Variants in ABCA12 observed in about 807,000 individuals in gnomAD.
ABCA12 encodes the protein ATP binding cassette subfamily A member 12, also known as glucosylceramide transporter ABCA12.
A neutral mutation model predicts 293.5 loss-of-function variants in ABCA12; 156 were observed. The observed-to-expected ratio is 0.53, with a 90% CI of 0.47 to 0.61. The LOEUF is 0.61. Among genes scored for constraint, ABCA12 ranks in the 20% least tolerant of loss-of-function variants. The pLI is 0.00. For missense variants in ABCA12, 2,797 were observed against 3,090.2 expected (o/e 0.91, Z 2.25); for synonymous variants, 1,063 against 1,108.0 (o/e 0.96, Z 0.81).
intron 8 of ABCA12, among the ~76,000 whole-genome samples, chr2:215,033,995 T>TA (rs1210135078): frequency 6.6e-6 from 1 of 152,078 alleles, no homozygotes; most frequent in Admixed American, 6.5e-5. Flanking sequence ...TAGACACAGC[T>TA]AAAAAAATTG....
intron 24 of ABCA12, among the ~76,000 whole-genome samples, chr2:214,990,494 T>C (rs1342599771): frequency 6.6e-6 from 1 of 152,186 alleles, no homozygotes; most frequent in Non-Finnish European, 1.5e-5. Context: ...CTTAACAGTA[T>C]CACATATCAT....
chr2:215,039,581 C>T (rs966092339), intron 7 of ABCA12, among the ~76,000 whole-genome samples: 1 of 152,040 alleles, frequency 6.6e-6, no homozygotes, highest in Admixed American at 6.5e-5. Flanking sequence ...CAGTGAGACA[C>T]CGTCTCTACT....
chr2:215,051,545 T>G (rs1415670293), intron 5 of ABCA12, among the ~76,000 whole-genome samples: 1 of 151,572 alleles, frequency 6.6e-6, no homozygotes, highest in Non-Finnish European at 1.5e-5. Context: ...GTTAAAGACA[T>G]GTCTCATGAT....
At chr2:215,005,794 T>A (rs556503463) in intron 19 of ABCA12, among the ~76,000 whole-genome samples, 1 of 152,224 alleles carries the variant, frequency 6.6e-6, no homozygotes, top group South Asian at 2.1e-4. Context: ...TCAATACTAA[T>A]CCATGCATGT....
At chr2:215,049,895 T>A in intron 5 of ABCA12, 84 bp from the exon 6 acceptor site, 1 of 1,351,734 alleles carries the variant, frequency 7.4e-7, no homozygotes, top group Non-Finnish European at 1.0e-6. Context: ...GAATCTAAGC[T>A]GTCTTCAAAA....
intron 1 of ABCA12, among the ~76,000 whole-genome samples, chr2:215,114,187 A>C (rs1379437230): frequency 6.6e-6 from 1 of 152,110 alleles, no homozygotes; most frequent in Non-Finnish European, 1.5e-5. Flanking sequence ...GTAGGCCAGG[A>C]TGGTCTTGAT....
intron 5 of ABCA12, among the ~76,000 whole-genome samples, chr2:215,052,158 A>G (rs1243114157): frequency 1.3e-5 from 2 of 152,156 alleles, no homozygotes; most frequent in Non-Finnish European, 2.9e-5. Flanking sequence ...TTCGAAGAGC[A>G]TTATAACTTC....
At chr2:215,119,913 C>T (rs559313040) in intron 1 of ABCA12, among the ~76,000 whole-genome samples, 1 of 152,162 alleles carries the variant, frequency 6.6e-6, no homozygotes, top group Admixed American at 6.5e-5. Context: ...ACCCTGCAAT[C>T]CCTTTACTGG....
intron 9 of ABCA12, among the ~76,000 whole-genome samples, chr2:215,029,716 C>G (rs1700831662): frequency 6.6e-6 from 1 of 152,156 alleles, no homozygotes; most frequent in Admixed American, 6.5e-5. Context: ...CTGTGTGCCA[C>G]AGTTTTGGCA....
At chr2:215,068,593 C>T (rs1701678395) in intron 2 of ABCA12, among the ~76,000 whole-genome samples, 1 of 151,984 alleles carries the variant, frequency 6.6e-6, no homozygotes, top group Admixed American at 6.6e-5. Context: ...TCCTTCTTTT[C>T]CTCTTCCCTC....
intron 1 of ABCA12, among the ~76,000 whole-genome samples, chr2:215,114,015 G>GC (rs1243026122): frequency 2.0e-5 from 3 of 151,814 alleles, no homozygotes; most frequent in Admixed American, 6.6e-5. Context: ...TTGCTCTGTC[G>GC]CCAGGCTGGA....
In ABCA12 at chr2:215,025,869, C is replaced by A. The variant is rs1483413867; in HGVS notation, c.1181-90G>T. ...AAGACACCTCTATCCTGACTTATTA[C>A]TAAATTTTTCCTAAGATAATAGCCT... is the stretch of plus-strand genomic sequence containing the variant. On this transcript the variant is annotated intron_variant, in intron 10 of 52. Coordinates refer to ENST00000272895, the MANE Select transcript of ABCA12 (RefSeq NM_173076.3). 3 of 864,376 alleles carry A rather than the reference C, an allele frequency of 3.5e-6. No individual in the cohort carries two copies. In the African/African-American group the frequency reaches 5.1e-5, roughly 15 times the overall value. 53.5% of individuals were successfully genotyped at this position (864,376 alleles called of 1,614,324 possible).
intron 4 of ABCA12, among the ~76,000 whole-genome samples, chr2:215,053,087 T>C (rs1701352347): frequency 6.6e-6 from 1 of 152,116 alleles, no homozygotes. Flanking sequence ...AATGATATTT[T>C]AGATCAAATA....
chr2:215,008,793 GA>G lies in ABCA12; in HGVS notation c.2473-948del, dbSNP rs375998598. Among the ~76,000 whole-genome samples the G allele has an allele frequency of 1.8e-3, 264 of 150,394 alleles. 1 individual carries two copies. The highest frequency in any genetic ancestry group is 6.0e-3 in the African/African-American group (245 of 41,044). On this transcript the variant is annotated intron_variant, in intron 18 of 52. Transcript: ENST00000272895. ...AGGTGAGAACCAAATACAAAAAGGGGAAAAAAAAAGACCACGCTTAAAACAT... is the reference window on the plus strand; with the variant it reads ...AGGTGAGAACCAAATACAAAAAGGGGAAAAAAAAGACCACGCTTAAAACAT...
chr2:214,989,320 C>T lies in ABCA12; in HGVS notation c.3829+9G>A. 3 of 1,612,218 alleles carry T rather than the reference C, an allele frequency of 1.9e-6. No homozygotes were observed. Among genetic ancestry groups the T allele is most frequent in the Non-Finnish European group, 2.5e-6 (3 of 1,179,434 alleles). ...AAAAAGCATGTATCTGTAGGAAGCA[C>T]ATTCATACCTGGGAAGACATTCCTG... On this transcript the variant is annotated intron_variant, in intron 26 of 52. Coordinates refer to ENST00000272895, the MANE Select transcript of ABCA12 (RefSeq NM_173076.3).
chr2:214,979,625 A>C (rs894510377), intron 31 of ABCA12, among the ~76,000 whole-genome samples: 13 of 152,230 alleles, frequency 8.5e-5, no homozygotes, highest in South Asian at 8.3e-4. Context: ...TATCATCTGA[A>C]TTCCTCACAC....
In ABCA12 at chr2:214,950,927, T is replaced by G. The variant is rs1260193713; in HGVS notation, c.6804A>C (p.Lys2268Asn). The G allele has an allele frequency of 1.2e-6, 2 of 1,614,006 alleles. No homozygotes were observed. The highest frequency in any genetic ancestry group is 1.7e-6 in the Non-Finnish European group (2 of 1,180,018). The change falls in exon 45 of 53, where the codon AAA becomes AAC. Residue 2268 changes from lysine to asparagine, a missense_variant. Transcript: ENST00000272895. ...TGATGTTGTTTACAGCTATAATCTT[T>G]TTGTGGATAAGTTGGTAGGTCTTTG... ...CLTKTYQLIH[K>N]KIIAVNNISI...
rs74544972 is a variant in ABCA12 at position 215,011,683 on chromosome 2, A to C, written c.2122-34T>G. ...CAAAAATCCACAATTTATTGACACT[A>C]TATGAGCTTTAGAAGCTACTGAAAA... On this transcript the variant is annotated intron_variant, in intron 16 of 52. Coordinates refer to ENST00000272895, the MANE Select transcript of ABCA12 (RefSeq NM_173076.3). 2,271 of 1,596,712 alleles carry C rather than the reference A, an allele frequency of 1.4e-3. 29 individuals carry two copies. The African/African-American group carries it at 0.027, about 19-fold the overall frequency.
chr2:215,036,757 G>C (rs1701003358), intron 8 of ABCA12, among the ~76,000 whole-genome samples, 196 bp downstream of exon 8: 1 of 151,832 alleles, frequency 6.6e-6, no homozygotes, highest in Non-Finnish European at 1.5e-5. Flanking sequence ...ACCCTAGAAA[G>C]CCACAGTTCC....
Sources: allele counts gnomAD v4.1 joint callset (sites outside exome capture counted in the v4.1 genomes callset), GRCh38; gene constraint gnomAD v4.1.1; transcripts MANE v1.5; gene names NCBI Gene and HGNC (gene_info 2026-07-23, HGNC 2026-07-21).